Variants in PNPT1 observed in about 807,000 individuals in gnomAD.
PNPT1 encodes polyribonucleotide nucleotidyltransferase 1.
PNPT1 carries 53 observed loss-of-function variants against 119.5 expected under a neutral mutation model. The observed-to-expected ratio is 0.44, with a 90% CI of 0.36 to 0.56. The LOEUF (loss-of-function observed/expected upper bound fraction) is 0.56, where lower values mean the gene tolerates loss of function less well. PNPT1 is among the 20% of genes least tolerant of loss of function. The pLI, the probability that PNPT1 is intolerant of heterozygous loss-of-function variation, is 0.00. For synonymous variants in PNPT1, 357 were observed against 322.1 expected, an observed-to-expected ratio of 1.11 and a Z score of -1.16; for missense variants, 948 against 938.5, an observed-to-expected ratio of 1.01 and a Z score of -0.13.
Position 55,646,080 on chromosome 2 carries a change from G to A in PNPT1, c.1738+179C>T, listed in dbSNP as rs2627777. Among the ~76,000 whole-genome samples the A allele has an allele frequency of 0.45, 67,918 of 151,864 alleles. 16,212 individuals are homozygous for A. Among genetic ancestry groups the A allele is most frequent in the Non-Finnish European group, 0.53 (35,761 of 67,946 alleles). ...TGACCTGAAGTGATCTGCCTGCCTC[G>A]GCCTCTCAAAGTGCTGGGATTACAG... On this transcript the variant is annotated intron_variant, in intron 21 of 27. Coordinates refer to ENST00000447944, the MANE Select transcript of PNPT1 (RefSeq NM_033109.5).
intron 7 of PNPT1, among the ~76,000 whole-genome samples, 195 bp from the exon 8 acceptor site, chr2:55,679,990 G>A (rs559842261): frequency 1.3e-5 from 2 of 152,170 alleles, no homozygotes; most frequent in East Asian, 3.9e-4. Context: ...CTGAATTGCT[G>A]AAATATACCA....
chr2:55,639,671 G>T (rs1190614465), intron 26 of PNPT1, among the ~76,000 whole-genome samples: 4 of 152,006 alleles, frequency 2.6e-5, no homozygotes, highest in Non-Finnish European at 4.4e-5. Context: ...CTGCATATAA[G>T]CATTTTTACT....
chr2:55,660,070 C>G lies in PNPT1; in HGVS notation c.1284+87G>C, dbSNP rs567551069. 25 of 1,350,134 alleles carry G rather than the reference C, an allele frequency of 1.9e-5. No individual in the cohort carries two copies. In the South Asian group the frequency reaches 3.1e-4, roughly 17 times the overall value. 83.6% of individuals were successfully genotyped at this position (1,350,134 alleles called of 1,614,324 possible). A position where few individuals can be genotyped will look rare whatever the true frequency, so the allele number is the denominator to read the frequency against. On this transcript the variant is annotated intron_variant, in intron 15 of 27. Transcript: ENST00000447944. ...AGTGAGCTGAGACTGCACCACTCCA[C>G]TCCAGCCTGGACAACAGGGTGAGAC... is the stretch of plus-strand genomic sequence containing the variant.
chr2:55,636,242 G>T lies in PNPT1; in HGVS notation c.2347C>A (p.Gln783Lys). 6.3e-7 allele frequency: 1 copy of T among 1,593,598 alleles called. No individual in the cohort carries two copies. The highest frequency in any genetic ancestry group is 8.5e-7 in the Non-Finnish European group (1 of 1,170,162). The part of the protein sequence containing the change: ...EPISQSSSNS[Q>K] ...ATTCTCTTTAAAAAAAAAAATCACT[G>T]AGAATTAGATGATGACTGTGAAATA... The change falls in exon 28 of 28, where the codon CAG becomes AAG. Residue 783 changes from glutamine (Q) to lysine (K), a missense_variant. By Grantham distance (53) the Gln-to-Lys change is moderately conservative (BLOSUM62 1). Transcript: ENST00000447944.
chr2:55,669,372 G>T (rs926218647), intron 11 of PNPT1, among the ~76,000 whole-genome samples: 3 of 152,124 alleles, frequency 2.0e-5, no homozygotes, highest in African/African-American at 7.2e-5. Flanking sequence ...CAAGTTTTAA[G>T]TACTATTCTC....
At chr2:55,668,681 C>G (rs1696812929) in intron 11 of PNPT1, among the ~76,000 whole-genome samples, 1 of 152,146 alleles carries the variant, frequency 6.6e-6, no homozygotes, top group African/African-American at 2.4e-5. Context: ...CTCACCGCAA[C>G]CATCGCCTCC....
intron 25 of PNPT1, among the ~76,000 whole-genome samples, chr2:55,642,897 G>C (rs537673514): frequency 1.8e-4 from 28 of 152,224 alleles, no homozygotes; most frequent in Admixed American, 3.3e-4. Context: ...CAGGAGGATG[G>C]CTTGAGGCCA....
rs758199841 is a variant in PNPT1 at position 55,640,642 on chromosome 2, T to G, written c.2133A>C (p.Gln711His). 1 of 1,588,682 alleles carries G rather than the reference T, an allele frequency of 6.3e-7. No individual in the cohort carries two copies. Among genetic ancestry groups the G allele is most frequent in the Non-Finnish European group, 8.6e-7 (1 of 1,157,966 alleles). ...GTCTTTTTACCTTTCGTTGATCAAG[T>G]TGTGTGTTATGAAGCAGTACCGCAG... ...NMTAVLLHNT[Q>H]LDQRKIKHPT... The change falls in exon 26 of 28, where the codon CAA becomes CAC. Residue 711 changes from glutamine (Q) to histidine (H), a missense_variant. Transcript: ENST00000447944.
rs1330417543 is a variant in PNPT1 at position 55,693,703 on chromosome 2, T to C, written c.121A>G (p.Ser41Gly). The C allele has an allele frequency of 6.2e-7, 1 of 1,614,228 alleles. No homozygotes were observed. Among genetic ancestry groups the C allele is most frequent in the Non-Finnish European group, 8.5e-7 (1 of 1,180,046 alleles). The stretch of plus-strand genomic sequence containing the variant: ...ACGGCCACAGCTCGAGACCCTGCGC[T>C]ACTCCATAGTGCTCGCACTTGCAAC... ...TQLQVRALWS[S>G]AGSRAVAVDL... The change falls in exon 1 of 28, where the codon AGC becomes GGC. Residue 41 changes from serine to glycine, a missense_variant. By Grantham distance (56) the Ser-to-Gly change is moderately conservative. Transcript: ENST00000447944.
intron 22 of PNPT1, 48 bp downstream of exon 22, chr2:55,645,301 G>A (rs1695954606): frequency 1.5e-6 from 2 of 1,336,186 alleles, no homozygotes; most frequent in African/African-American, 2.9e-5. Flanking sequence ...TGGGATTACA[G>A]GCGTGAGCCA....
chr2:55,676,523 C>A (rs1157906595), intron 8 of PNPT1, among the ~76,000 whole-genome samples: 1 of 152,144 alleles, frequency 6.6e-6, no homozygotes. Flanking sequence ...CAGCAGCTGA[C>A]AGCATGGAGT....
chr2:55,661,889 C>A (rs1290784851), intron 14 of PNPT1, 67 bp downstream of exon 14: 3 of 1,328,366 alleles, frequency 2.3e-6, no homozygotes, highest in East Asian at 2.8e-5. Flanking sequence ...AATAATATAC[C>A]ACATAAGCTT....
At chr2:55,662,946 T>G (rs1013938770) in intron 13 of PNPT1, among the ~76,000 whole-genome samples, 3 of 151,322 alleles carry the variant, frequency 2.0e-5, no homozygotes, top group Non-Finnish European at 4.4e-5. Flanking sequence ...AGTGGCACGA[T>G]CTCGGCTCAC....
At chr2:55,693,448 C>G (rs1039456868) in intron 1 of PNPT1, among the ~76,000 whole-genome samples, 32 of 152,214 alleles carry the variant, frequency 2.1e-4, no homozygotes, top group African/African-American at 7.7e-4. Context: ...CAAAGAAGCC[C>G]GGCACACACC....
chr2:55,640,953 C>A (rs560533376), intron 25 of PNPT1, among the ~76,000 whole-genome samples: 1 of 151,902 alleles, frequency 6.6e-6, no homozygotes, highest in South Asian at 2.1e-4. Context: ...GAGCCAGGTG[C>A]GGTGGCTCAC....
chr2:55,684,851 A>C (rs1432816099), intron 4 of PNPT1, 92 bp downstream of exon 4: 1 of 1,346,836 alleles, frequency 7.4e-7, no homozygotes, highest in East Asian at 2.6e-5. Context: ...ATGAAGGAAA[A>C]CTTAAGACTT....
At chr2:55,646,618 C>G (rs1298965248) in intron 19 of PNPT1, 132 bp from the exon 20 acceptor site, 2 of 618,682 alleles carry the variant, frequency 3.2e-6, no homozygotes, top group Non-Finnish European at 5.6e-6. Context: ...GCAATGTTTT[C>G]TACATTAACT....
intron 15 of PNPT1, among the ~76,000 whole-genome samples, chr2:55,657,491 G>T (rs1029385972): frequency 6.6e-6 from 1 of 151,106 alleles, no homozygotes; most frequent in Non-Finnish European, 1.5e-5. Context: ...GGGTTCAAGC[G>T]ATTCTCCTGC....
chr2:55,671,750 C>A (rs975746354), intron 10 of PNPT1, among the ~76,000 whole-genome samples: 5 of 152,200 alleles, frequency 3.3e-5, no homozygotes, highest in Non-Finnish European at 7.3e-5. Context: ...ATGAGAATCG[C>A]TGGAAGGCGA....
Sources: gnomAD v4.1 joint callset for allele counts (sites outside exome capture counted in the v4.1 genomes callset) on GRCh38, gnomAD v4.1.1 for gene constraint, MANE v1.5 for transcripts, NCBI Gene and HGNC (gene_info 2026-07-23, HGNC 2026-07-21) for gene names.